GPR39: variants seen among roughly 807,000 people sequenced by gnomAD.
The protein encoded by GPR39 is G protein-coupled receptor 39, also known as zinc sensing receptor.
Under a neutral mutation model 18.4 loss-of-function variants are expected in GPR39, and 23 were observed. The observed-to-expected ratio is 1.25, with a 90% CI of 0.90 to 1.77. The LOEUF (loss-of-function observed/expected upper bound fraction) is 1.77, where lower values mean the gene tolerates loss of function less well. Among genes scored for constraint, GPR39 ranks in the 40% most tolerant of loss-of-function variants. The pLI is 0.00. For synonymous variants in GPR39, 280 were observed against 257.9 expected, an observed-to-expected ratio of 1.09 and a Z score of -0.82; for missense variants, 647 against 602.4, an observed-to-expected ratio of 1.07 and a Z score of -0.78.
chr2:132,487,003 G>C (rs1217246330), intron 1 of GPR39, among the ~76,000 whole-genome samples: 1 of 152,050 alleles, frequency 6.6e-6, no homozygotes, highest in Non-Finnish European at 1.5e-5. Context: ...CCTTTCATTT[G>C]ATCAATTAGA....
intron 1 of GPR39, among the ~76,000 whole-genome samples, chr2:132,607,004 C>T (rs1267614587): frequency 6.6e-6 from 1 of 152,202 alleles, no homozygotes; most frequent in Non-Finnish European, 1.5e-5. Context: ...TTATCTCACT[C>T]TGATCTTGAT....
At chr2:132,602,083 C>G (rs191389553) in intron 1 of GPR39, among the ~76,000 whole-genome samples, 65 of 151,320 alleles carry the variant, frequency 4.3e-4, no homozygotes, top group Non-Finnish European at 8.4e-4. Context: ...CCCAAATAGC[C>G]AAAGCAATAC....
chr2:132,492,466 CCATATATAT>C (rs1358335980), intron 1 of GPR39, among the ~76,000 whole-genome samples: 2 of 136,688 alleles, frequency 1.5e-5, no homozygotes, highest in East Asian at 2.2e-4. Flanking sequence ...ACCATATATA[CCATATATAT>C]ACACCATATA....
chr2:132,618,531 AAG>A lies in GPR39; in HGVS notation c.857-26567_857-26566del, dbSNP rs537950279. 2.9e-4 allele frequency among the ~76,000 whole-genome samples: 44 copies of A among 152,298 alleles called. 1 individual carries two copies. The highest frequency in any genetic ancestry group is 2.4e-3 in the Admixed American group (37 of 15,300). On this transcript the variant is annotated intron_variant, in intron 1 of 1. Transcript: ENST00000329321. ...CTTCTATTATGACTAAATGGGGACA[AAG>A]AGTGAAGAAGAGTTAAGTACACAGC... is the stretch of plus-strand genomic sequence containing the variant.
At chr2:132,555,012 C>G (rs1680121832) in intron 1 of GPR39, among the ~76,000 whole-genome samples, 1 of 151,666 alleles carries the variant, frequency 6.6e-6, no homozygotes, top group African/African-American at 2.4e-5. Flanking sequence ...AGTGCAGTGG[C>G]ACAATCTTAG....
chr2:132,559,171 T>G (rs1399951389), intron 1 of GPR39, among the ~76,000 whole-genome samples: 1 of 152,220 alleles, frequency 6.6e-6, no homozygotes, highest in East Asian at 1.9e-4. Flanking sequence ...TGAAATTCAT[T>G]TCTTTGTAGC....
At chr2:132,639,143 T>C (rs2104877311) in intron 1 of GPR39, among the ~76,000 whole-genome samples, 1 of 152,262 alleles carries the variant, frequency 6.6e-6, no homozygotes, top group Middle Eastern at 3.4e-3. Context: ...GGGGCCACCT[T>C]GTACAGCTCA....
chr2:132,515,119 C>A (rs1206730847), intron 1 of GPR39, among the ~76,000 whole-genome samples: 1 of 152,214 alleles, frequency 6.6e-6, no homozygotes, highest in East Asian at 1.9e-4. Flanking sequence ...GGGGCCAGTT[C>A]TGGTTACTTT....
chr2:132,587,483 C>T (rs1291497538), intron 1 of GPR39, among the ~76,000 whole-genome samples: 3 of 152,132 alleles, frequency 2.0e-5, no homozygotes, highest in Non-Finnish European at 4.4e-5. Flanking sequence ...TAGTGAAATA[C>T]TTTTTAAAAT....
chr2:132,628,511 C>G (rs921646685), intron 1 of GPR39, among the ~76,000 whole-genome samples: 6 of 152,322 alleles, frequency 3.9e-5, no homozygotes, highest in African/African-American at 1.4e-4. Flanking sequence ...TTGGGCTGTC[C>G]TTTGCCCTCC....
intron 1 of GPR39, among the ~76,000 whole-genome samples, chr2:132,538,499 G>T (rs1294098146): frequency 1.3e-5 from 2 of 152,210 alleles, no homozygotes; most frequent in African/African-American, 4.8e-5. Flanking sequence ...CCTTTTGGGA[G>T]GTCTTTCCCA....
chr2:132,457,308 G>A (rs1306638229), intron 1 of GPR39, among the ~76,000 whole-genome samples: 2 of 152,086 alleles, frequency 1.3e-5, no homozygotes, highest in African/African-American at 2.4e-5. Flanking sequence ...TGAAGTTCTC[G>A]TGCTATGATT....
chr2:132,576,548 G>A (rs1382586475), intron 1 of GPR39, among the ~76,000 whole-genome samples: 1 of 152,120 alleles, frequency 6.6e-6, no homozygotes, highest in Non-Finnish European at 1.5e-5. Flanking sequence ...AGCTACTTGG[G>A]AGGCTGAGGC....
At chr2:132,556,880 A>G (rs1004601953) in intron 1 of GPR39, among the ~76,000 whole-genome samples, 1 of 152,164 alleles carries the variant, frequency 6.6e-6, no homozygotes, top group African/African-American at 2.4e-5. Flanking sequence ...GTGACAGGAA[A>G]TACTTTACTG....
intron 1 of GPR39, among the ~76,000 whole-genome samples, chr2:132,597,433 G>A (rs1680966708): frequency 6.6e-6 from 1 of 152,228 alleles, no homozygotes; most frequent in Non-Finnish European, 1.5e-5. Context: ...GGAGCAGGCT[G>A]TTCCTTGACA....
intron 1 of GPR39, among the ~76,000 whole-genome samples, chr2:132,477,198 G>C (rs1201551487): frequency 6.6e-6 from 1 of 152,208 alleles, no homozygotes; most frequent in Admixed American, 6.5e-5. Context: ...AGAAAAACTA[G>C]TTGCTATTTA....
At chr2:132,580,043 A>G (rs1465813021) in intron 1 of GPR39, among the ~76,000 whole-genome samples, 1 of 152,248 alleles carries the variant, frequency 6.6e-6, no homozygotes, top group Admixed American at 6.5e-5. Flanking sequence ...GAAAATTGTG[A>G]GCTCTATGAG....
rs370162388 is a variant in GPR39 at position 132,645,279 on chromosome 2, G to A, written c.1035G>A (p.Thr345=). The A allele has an allele frequency of 5.0e-6, 8 of 1,614,006 alleles. No individual in the cohort carries two copies. The highest frequency in any genetic ancestry group is 4.4e-5 in the South Asian group (4 of 91,062). Residue 345 remains threonine, a synonymous_variant, in exon 2 of 2, where the codon ACG becomes ACA. Transcript: ENST00000329321. The stretch of plus-strand genomic sequence containing the variant: ...CGGTCATCAACCCGCTCCTGTACAC[G>A]GTGTCCTCGCAGCAGTTTCGGCGGG... ...LSSVINPLLY[T]VSSQQFRRVF...
intron 1 of GPR39, among the ~76,000 whole-genome samples, chr2:132,633,921 G>A (rs1354097492): frequency 1.4e-5 from 2 of 145,838 alleles, no homozygotes; most frequent in South Asian, 2.1e-4. Context: ...GTGGTGGTGT[G>A]GTAGCAGTGT....
Sources: gnomAD v4.1 joint callset for allele counts (sites outside exome capture counted in the v4.1 genomes callset) on GRCh38, gnomAD v4.1.1 for gene constraint, MANE v1.5 for transcripts, NCBI Gene and HGNC (gene_info 2026-07-23, HGNC 2026-07-21) for gene names.